The following CUX2 variants were observed in gnomAD, a reference collection of about 807,000 sequenced individuals.
The protein encoded by CUX2 is homeobox protein cut-like 2.
A neutral mutation model predicts 144.8 loss-of-function variants in CUX2; 40 were observed. The ratio of observed to expected loss-of-function variants is 0.28; its 90% confidence interval spans 0.21 to 0.36. CUX2 has a LOEUF of 0.36. CUX2 is among the 10% of genes least tolerant of loss of function. The pLI, the probability that CUX2 is intolerant of heterozygous loss-of-function variation, is 1.00. For missense variants in CUX2, 1,615 were observed against 1,994.0 expected (o/e 0.81, Z 3.62); for synonymous variants, 827 against 875.6 (o/e 0.94, Z 0.98).
intron 1 of CUX2, among the ~76,000 whole-genome samples, chr12:111,159,480 G>A (rs1203363485): frequency 6.6e-6 from 1 of 152,024 alleles, no homozygotes; most frequent in African/African-American, 2.4e-5. Flanking sequence ...TACTTCCCAA[G>A]GGTTCTGAAG....
Position 111,304,340 on chromosome 12 carries a change from C to A in CUX2, c.858+26C>A. The A allele has an allele frequency of 6.3e-7, 1 of 1,576,346 alleles. No individual in the cohort carries two copies. Among genetic ancestry groups the A allele is most frequent in the Non-Finnish European group, 8.7e-7 (1 of 1,148,950 alleles). ...GTAAGGATGGGGTTGGGGAAGTGAG[C>A]AGGGAGGGCAGAGGGAAAGATCGGG... On this transcript the variant is annotated intron_variant, in intron 10 of 21. Coordinates refer to ENST00000261726, the MANE Select transcript of CUX2 (RefSeq NM_015267.4). This position sits in a 1 kb window ranked among gnomAD's most constrained non-coding sequence, Gnocchi z 4.7.
chr12:111,235,733 G>T (rs544167178), intron 3 of CUX2, among the ~76,000 whole-genome samples: 1 of 151,530 alleles, frequency 6.6e-6, no homozygotes, highest in East Asian at 1.9e-4. Flanking sequence ...AAAAAAAAAA[G>T]AATGAGGTGA....
chr12:111,339,237 A>G (rs957001343), intron 20 of CUX2, among the ~76,000 whole-genome samples: 1 of 152,062 alleles, frequency 6.6e-6, no homozygotes, highest in Admixed American at 6.6e-5. Context: ...CTCAAAAAAA[A>G]AAAGAAAGAA....
intron 1 of CUX2, among the ~76,000 whole-genome samples, chr12:111,066,251 A>T (rs1189144132): frequency 1.3e-5 from 2 of 152,214 alleles, no homozygotes; most frequent in Non-Finnish European, 2.9e-5. Context: ...TACTTTTTCC[A>T]GAACTGACCT....
At chr12:111,120,269 T>G (rs1874568241) in intron 1 of CUX2, among the ~76,000 whole-genome samples, 2 of 151,988 alleles carry the variant, frequency 1.3e-5, no homozygotes, top group Admixed American at 6.6e-5. Flanking sequence ...GTAGTAGGTG[T>G]TCGATAAACT....
intron 1 of CUX2, among the ~76,000 whole-genome samples, chr12:111,170,160 C>A (rs1878426161): frequency 6.6e-6 from 1 of 152,176 alleles, no homozygotes; most frequent in South Asian, 2.1e-4. Context: ...CAATAACTGG[C>A]CAGGCGTGGT....
At chr12:111,313,033 C>T (rs1886983667) in intron 16 of CUX2, among the ~76,000 whole-genome samples, 1 of 152,076 alleles carries the variant, frequency 6.6e-6, no homozygotes, top group Non-Finnish European at 1.5e-5. Context: ...GGCTATGTGA[C>T]CTTGGGCAAG....
intron 8 of CUX2, among the ~76,000 whole-genome samples, 174 bp from the exon 9 acceptor site, chr12:111,298,367 G>A (rs886622212): frequency 2.6e-5 from 4 of 152,140 alleles, no homozygotes; most frequent in South Asian, 2.1e-4. Flanking sequence ...CAGTGCTGAC[G>A]CCCTACTCCC....
chr12:111,341,555 G>A (rs1005117884), intron 20 of CUX2, among the ~76,000 whole-genome samples: 2 of 152,116 alleles, frequency 1.3e-5, no homozygotes, highest in Admixed American at 6.5e-5. Context: ...CAGGGCTCCC[G>A]GGCGGGCGAG....
intron 1 of CUX2, among the ~76,000 whole-genome samples, chr12:111,169,930 C>G (rs1414871984): frequency 6.6e-6 from 1 of 152,092 alleles, no homozygotes; most frequent in East Asian, 1.9e-4. Context: ...CATATGTGGA[C>G]AGCAGGGAGC....
chr12:111,076,852 TA>T (rs547512636), intron 1 of CUX2, among the ~76,000 whole-genome samples: 4 of 151,730 alleles, frequency 2.6e-5, no homozygotes, highest in Non-Finnish European at 4.4e-5. Context: ...TGTGTGTCCT[TA>T]AAAAAAAATC....
intron 1 of CUX2, among the ~76,000 whole-genome samples, chr12:111,049,975 C>T (rs1292280980): frequency 6.6e-6 from 1 of 152,140 alleles, no homozygotes; most frequent in African/African-American, 2.4e-5. Context: ...GTTCCACCCA[C>T]CTATGCTGTT....
At position 111,274,849 on chromosome 12, in the gene CUX2, C is replaced by T. The variant is rs564068947; in HGVS notation, c.301+11010C>T. ...TAAACAGCCTCTCGGACAGCCTTTC[C>T]GGCTCTGTGTTTCCTAAAAAAGCTC... On this transcript the variant is annotated intron_variant, in intron 4 of 21. Transcript: ENST00000261726. Among the ~76,000 whole-genome samples, 22 of 152,024 alleles carry T rather than the reference C, an allele frequency of 1.4e-4. No individual in the cohort carries two copies. The South Asian group carries it at 3.5e-3, about 24-fold the overall frequency.
chr12:111,152,233 C>G (rs1018054491), intron 1 of CUX2, among the ~76,000 whole-genome samples: 3 of 151,994 alleles, frequency 2.0e-5, no homozygotes, highest in Non-Finnish European at 4.4e-5. Flanking sequence ...TGCAATGAGC[C>G]AAGATCATGC....
At position 111,267,489 on chromosome 12, in the gene CUX2, C is replaced by T. The variant is rs76455660; in HGVS notation, c.301+3650C>T. Among the ~76,000 whole-genome samples the T allele has an allele frequency of 3.6e-3, 546 of 152,254 alleles. 1 individual carries two copies. The highest frequency in any genetic ancestry group is 0.013 in the African/African-American group (521 of 41,544). On this transcript the variant is annotated intron_variant, in intron 4 of 21. Transcript: ENST00000261726. ...CTCACAGGCAGGGAGAGATGTGACT[C>T]GGGTCTCATCATGTATAACAAATAT...
chr12:111,112,432 G>A (rs1395278842), intron 1 of CUX2, among the ~76,000 whole-genome samples: 6 of 152,128 alleles, frequency 3.9e-5, no homozygotes, highest in African/African-American at 9.7e-5. Context: ...CTGAAACCCC[G>A]CTTTTTATTT....
Position 111,160,885 on chromosome 12 carries a change from G to A in CUX2, c.64-53315G>A, listed in dbSNP as rs112979773. 0.01 allele frequency among the ~76,000 whole-genome samples: 1,533 copies of A among 152,248 alleles called. 29 individuals are homozygous for A. Among genetic ancestry groups the A allele is most frequent in the African/African-American group, 0.035 (1,443 of 41,530 alleles). On this transcript the variant is annotated intron_variant, in intron 1 of 21. Transcript: ENST00000261726. The surrounding 1 kb of genome is among the most constrained non-coding windows in gnomAD (Gnocchi z 4.1). ...TGAACAGCTGGGTGGACTCCGTGCC[G>A]CTTCCTGCCATGGGGAAGATGCAGG...
At chr12:111,079,712 C>G (rs1871760916) in intron 1 of CUX2, among the ~76,000 whole-genome samples, 1 of 152,220 alleles carries the variant, frequency 6.6e-6, no homozygotes, top group African/African-American at 2.4e-5. Context: ...CGGCACTGTT[C>G]TCCCACCTGC....
intron 1 of CUX2, among the ~76,000 whole-genome samples, chr12:111,135,222 G>T (rs1277042992): frequency 6.6e-6 from 1 of 152,088 alleles, no homozygotes; most frequent in African/African-American, 2.4e-5. Flanking sequence ...AAGAAAGAAT[G>T]GGGTGCAGGG....
Sources: allele counts gnomAD v4.1 joint callset (sites outside exome capture counted in the v4.1 genomes callset), GRCh38; gene constraint gnomAD v4.1.1; non-coding constraint Gnocchi (gnomAD v3.1); transcripts MANE v1.5; gene names NCBI Gene and HGNC (gene_info 2026-07-23, HGNC 2026-07-21).